Variants in PTPRD observed in about 807,000 individuals in gnomAD.
The protein encoded by PTPRD is protein tyrosine phosphatase receptor type D, also known as receptor-type tyrosine-protein phosphatase delta.
Under a neutral mutation model 214.5 loss-of-function variants are expected in PTPRD, and 34 were observed. That is an observed-to-expected ratio of 0.16 (90% CI 0.12 to 0.21). The LOEUF (loss-of-function observed/expected upper bound fraction) is 0.21. Ranked by LOEUF, PTPRD falls within the 10% of genes least tolerant of loss-of-function variation. The pLI is 1.00. For missense variants in PTPRD, 2,545 were observed against 2,398.7 expected (o/e 1.06, Z -1.27); for synonymous variants, 1,128 against 845.7 (o/e 1.33, Z -5.79).
chr9:8,812,393 G>C (rs751731937), intron 11 of PTPRD, among the ~76,000 whole-genome samples: 3 of 152,168 alleles, frequency 2.0e-5, no homozygotes, highest in African/African-American at 7.2e-5. Context: ...CCTAGGAATA[G>C]TTGGGTAAAG....
chr9:8,719,322 C>T (rs906636), intron 12 of PTPRD, among the ~76,000 whole-genome samples: 75,859 of 152,072 alleles, frequency 0.5, 19,204 homozygotes, highest in Non-Finnish European at 0.54. Flanking sequence ...AAAGGTTAAG[C>T]GCCATTAGAC....
In PTPRD at chr9:9,939,284, A is replaced by G. The variant is rs114142040; in HGVS notation, c.-471-674T>C. On this transcript the variant is annotated intron_variant, in intron 4 of 45. Coordinates refer to ENST00000381196, the MANE Select transcript of PTPRD (RefSeq NM_002839.4). ...CAGGTAGGGTCTTGTACTGCACACA[A>G]ATAGAGCTACTGACCTTTAGTATTT... 2.7e-3 allele frequency among the ~76,000 whole-genome samples: 406 copies of G among 152,238 alleles called. 3 individuals are homozygous for G. The highest frequency in any genetic ancestry group is 9.4e-3 in the African/African-American group (390 of 41,550).
intron 11 of PTPRD, among the ~76,000 whole-genome samples, chr9:8,910,910 A>T (rs573092772): frequency 6.6e-6 from 1 of 152,224 alleles, no homozygotes; most frequent in Non-Finnish European, 1.5e-5. Flanking sequence ...CAAGCCTTGT[A>T]CACAGAAGAC....
intron 5 of PTPRD, among the ~76,000 whole-genome samples, chr9:9,785,748 T>A (rs1039920152): frequency 6.6e-6 from 1 of 152,256 alleles, no homozygotes; most frequent in East Asian, 1.9e-4. Flanking sequence ...AATATTATAG[T>A]ACCAGTGTTA....
chr9:9,163,458 A>G (rs1216875088), intron 10 of PTPRD, among the ~76,000 whole-genome samples: 1 of 151,532 alleles, frequency 6.6e-6, no homozygotes, highest in Non-Finnish European at 1.5e-5. Flanking sequence ...TTTAGTTTCT[A>G]TTGTCAAATT....
chr9:9,818,621 C>T (rs1476017439), intron 5 of PTPRD, among the ~76,000 whole-genome samples: 2 of 151,840 alleles, frequency 1.3e-5, no homozygotes, highest in Admixed American at 1.3e-4. Flanking sequence ...CATTATTATT[C>T]CAGTAAAGAA....
intron 11 of PTPRD, among the ~76,000 whole-genome samples, chr9:8,754,042 G>C (rs932826020): frequency 1.3e-5 from 2 of 152,170 alleles, no homozygotes; most frequent in Non-Finnish European, 2.9e-5. Context: ...CTAGTCAGGA[G>C]GCTGAAGCAG....
intron 9 of PTPRD, among the ~76,000 whole-genome samples, chr9:9,345,629 A>T (rs1241557780): frequency 6.6e-6 from 1 of 152,188 alleles, no homozygotes; most frequent in Non-Finnish European, 1.5e-5. Flanking sequence ...CCATATGGCT[A>T]GATTAGCATT....
intron 11 of PTPRD, among the ~76,000 whole-genome samples, chr9:8,929,849 A>ATATATGTG (rs1567063547): frequency 6.4e-5 from 8 of 124,570 alleles, no homozygotes; most frequent in Admixed American, 2.5e-4. Flanking sequence ...ATATGTGTGT[A>ATATATGTG]TATATATGTG....
intron 43 of PTPRD, among the ~76,000 whole-genome samples, chr9:8,338,605 G>C (rs546303200): frequency 6.6e-6 from 1 of 152,082 alleles, no homozygotes; most frequent in Non-Finnish European, 1.5e-5. Context: ...AGCATGAGCT[G>C]AGAAGGTGAA....
chr9:9,594,682 T>C (rs991974440), intron 7 of PTPRD, among the ~76,000 whole-genome samples: 2 of 152,124 alleles, frequency 1.3e-5, no homozygotes, highest in Non-Finnish European at 2.9e-5. Context: ...CCTTATAGTA[T>C]AGTTTGAAAT....
At chr9:8,623,387 C>G (rs1481635935) in intron 14 of PTPRD, among the ~76,000 whole-genome samples, 1 of 151,902 alleles carries the variant, frequency 6.6e-6, no homozygotes, top group Non-Finnish European at 1.5e-5. Context: ...GATCCTACAA[C>G]AGCCAAATGG....
intron 2 of PTPRD, among the ~76,000 whole-genome samples, chr9:10,447,470 C>T (rs1198479313): frequency 2.0e-5 from 3 of 151,958 alleles, no homozygotes; most frequent in African/African-American, 7.3e-5. Context: ...GAAACCTGAA[C>T]CTCTGCCATC....
chr9:8,361,854 G>C (rs2078575478), intron 39 of PTPRD, among the ~76,000 whole-genome samples: 1 of 152,196 alleles, frequency 6.6e-6, no homozygotes, highest in African/African-American at 2.4e-5. Flanking sequence ...CACTTTCTAA[G>C]TGTACAGAAG....
chr9:9,197,315 T>A (rs892035044), intron 9 of PTPRD, among the ~76,000 whole-genome samples: 2 of 152,204 alleles, frequency 1.3e-5, no homozygotes, highest in African/African-American at 4.8e-5. Flanking sequence ...TGTGTTCTCC[T>A]ACGCTGCAGT....
At chr9:9,776,136 G>T (rs1222390284) in intron 5 of PTPRD, among the ~76,000 whole-genome samples, 2 of 152,036 alleles carry the variant, frequency 1.3e-5, no homozygotes, top group African/African-American at 4.8e-5. Flanking sequence ...CCCACGTTCT[G>T]CTGGAGGAAA....
intron 2 of PTPRD, among the ~76,000 whole-genome samples, chr9:10,414,451 A>G (rs926522699): frequency 1.3e-5 from 2 of 151,962 alleles, no homozygotes; most frequent in Non-Finnish European, 2.9e-5. Context: ...GATGCTGGCA[A>G]GATCATGCAG....
intron 5 of PTPRD, among the ~76,000 whole-genome samples, chr9:9,923,374 G>A (rs1013935614): frequency 1.3e-5 from 2 of 151,066 alleles, no homozygotes; most frequent in African/African-American, 4.9e-5. Flanking sequence ...GAAGAGGAGA[G>A]CAATGCAGAA....
intron 5 of PTPRD, among the ~76,000 whole-genome samples, chr9:9,855,230 T>G (rs1190293915): frequency 6.6e-6 from 1 of 152,140 alleles, no homozygotes; most frequent in African/African-American, 2.4e-5. Context: ...AAATGAAACA[T>G]TACAGGAAGG....
Sources: allele counts gnomAD v4.1 joint callset (sites outside exome capture counted in the v4.1 genomes callset), GRCh38; gene constraint gnomAD v4.1.1; transcripts MANE v1.5; gene names NCBI Gene and HGNC (gene_info 2026-07-23, HGNC 2026-07-21).